Variants in EXT1 observed in about 807,000 individuals in gnomAD.
EXT1 encodes the protein exostosin glycosyltransferase 1.
Under a neutral mutation model 82.5 loss-of-function variants are expected in EXT1, and 20 were observed. The ratio of observed to expected loss-of-function variants is 0.24; its 90% CI spans 0.17 to 0.35. The LOEUF (loss-of-function observed/expected upper bound fraction) is 0.35. Among genes scored for constraint, EXT1 ranks in the 10% least tolerant of loss-of-function variants. The pLI is 1.00. For missense variants in EXT1, 757 were observed against 936.5 expected (o/e 0.81, Z 2.50); for synonymous variants, 348 against 350.8 (o/e 0.99, Z 0.09).
chr8:118,091,464 C>T (rs1273205119), intron 1 of EXT1, among the ~76,000 whole-genome samples: 3 of 152,012 alleles, frequency 2.0e-5, no homozygotes, highest in South Asian at 4.1e-4. Flanking sequence ...GTCGGCCGGG[C>T]GCGGTGGCTC....
chr8:117,983,526 A>C (rs1290584500), intron 1 of EXT1, among the ~76,000 whole-genome samples: 4 of 152,206 alleles, frequency 2.6e-5, no homozygotes, highest in Non-Finnish European at 4.4e-5. Context: ...AAATGGCAAC[A>C]TGGACGCTCA....
At chr8:118,002,925 G>T (rs918982077) in intron 1 of EXT1, among the ~76,000 whole-genome samples, 5 of 152,044 alleles carry the variant, frequency 3.3e-5, no homozygotes, top group African/African-American at 1.2e-4. Context: ...AAAGATATTT[G>T]CACACACATT....
intron 1 of EXT1, among the ~76,000 whole-genome samples, chr8:117,837,857 G>GAA (rs58707417): frequency 2.1e-5 from 3 of 139,668 alleles, no homozygotes; most frequent in Admixed American, 1.4e-4. Context: ...GAAAAGAAAA[G>GAA]AAAAAAAAAA....
At chr8:117,834,333 G>A (rs575890935) in intron 3 of EXT1, among the ~76,000 whole-genome samples, 10 of 152,120 alleles carry the variant, frequency 6.6e-5, no homozygotes, top group Non-Finnish European at 1.2e-4. Flanking sequence ...GGCCAGGCGC[G>A]GTGGCTCACA....
At chr8:117,826,662 G>T (rs1473202708) in intron 4 of EXT1, among the ~76,000 whole-genome samples, 2 of 151,942 alleles carry the variant, frequency 1.3e-5, no homozygotes, top group African/African-American at 4.8e-5. Flanking sequence ...TGGGAAACTG[G>T]GTAGTACCTG....
intron 1 of EXT1, among the ~76,000 whole-genome samples, chr8:117,911,080 A>G (rs1329981314): frequency 6.6e-6 from 1 of 152,146 alleles, no homozygotes; most frequent in Non-Finnish European, 1.5e-5. Context: ...GTGCTCTCCA[A>G]CCTTCAGCAT....
At chr8:117,881,884 C>G (rs1813065346) in intron 1 of EXT1, among the ~76,000 whole-genome samples, 1 of 152,212 alleles carries the variant, frequency 6.6e-6, no homozygotes, top group East Asian at 1.9e-4. Context: ...CTGCTGCACA[C>G]AGCAGAAATA....
At chr8:117,997,593 G>A (rs1362376597) in intron 1 of EXT1, among the ~76,000 whole-genome samples, 1 of 152,030 alleles carries the variant, frequency 6.6e-6, no homozygotes, top group Non-Finnish European at 1.5e-5. Context: ...AGTGGTTAAA[G>A]CCACTAACTC....
At chr8:118,109,944 G>C in intron 1 of EXT1, 141 bp downstream of exon 1, 1 of 1,353,184 alleles carries the variant, frequency 7.4e-7, no homozygotes. Flanking sequence ...CACCCGAACC[G>C]GATTTGCTCA....
In EXT1 at chr8:118,110,871, G is replaced by A. The variant is rs2130045127; in HGVS notation, c.176C>T (p.Pro59Leu). 1.9e-6 allele frequency: 3 copies of A among 1,613,112 alleles called. No homozygotes were observed. Among genetic ancestry groups the A allele is most frequent in the Non-Finnish European group, 2.5e-6 (3 of 1,179,190 alleles). ...AGGAACGAAGGGGCGCAGAGCGTCC[G>A]GGAAGCGGGGCCAGAAATGATCCGG... ...PSPDHFWPRF[P>L]DALRPFVPWD... Residue 59 changes from proline to leucine, a missense_variant, in exon 1 of 11, where the codon CCG becomes CTG. This residue lies in a region of EXT1 where 175 missense variants were observed against 159.0 expected (regional missense o/e 1.10). Transcript: ENST00000378204.
At chr8:118,085,434 G>A (rs1475410838) in intron 1 of EXT1, among the ~76,000 whole-genome samples, 1 of 151,006 alleles carries the variant, frequency 6.6e-6, no homozygotes, top group East Asian at 1.9e-4. Context: ...TAGATTTATG[G>A]TACCTAAAGG....
chr8:117,838,865 A>G (rs1470442091), intron 1 of EXT1, among the ~76,000 whole-genome samples: 3 of 152,156 alleles, frequency 2.0e-5, no homozygotes, highest in Non-Finnish European at 4.4e-5. Context: ...TTCAGACTAC[A>G]GCAAGGTTTA....
chr8:118,095,004 T>C (rs894803260), intron 1 of EXT1, among the ~76,000 whole-genome samples: 1 of 152,152 alleles, frequency 6.6e-6, no homozygotes, highest in South Asian at 2.1e-4. Flanking sequence ...TGAGCAAACA[T>C]ACAACACACA....
intron 4 of EXT1, among the ~76,000 whole-genome samples, chr8:117,823,367 G>C (rs1453059108): frequency 6.6e-6 from 1 of 152,000 alleles, no homozygotes; most frequent in Admixed American, 6.6e-5. Context: ...TTTGTCAGTT[G>C]AATGTGATTA....
intron 1 of EXT1, among the ~76,000 whole-genome samples, chr8:117,844,474 G>A (rs1812321888): frequency 6.6e-6 from 1 of 152,100 alleles, no homozygotes; most frequent in African/African-American, 2.4e-5. Context: ...TTATTTTTGA[G>A]AAAACTGAAG....
At chr8:117,846,666 G>A (rs1231576144) in intron 1 of EXT1, among the ~76,000 whole-genome samples, 1 of 152,162 alleles carries the variant, frequency 6.6e-6, no homozygotes, top group East Asian at 1.9e-4. Context: ...CAATGGTGAT[G>A]GGGAAGCCTG....
rs202208407 is a variant in EXT1 at position 117,822,418 on chromosome 8, C to T, written c.1417+47G>A. 497 of 1,606,072 alleles carry T rather than the reference C, an allele frequency of 3.1e-4. 3 individuals are homozygous for T. The African/African-American group carries it at 5.4e-3, about 18-fold the overall frequency. On this transcript the variant is annotated intron_variant, in intron 5 of 10. Transcript: ENST00000378204. ...AATAAAGGCCTTTAGTTCTGTATGA[C>T]ATCTTCAGGGTAAACAAGGGCAACT...
Position 117,885,463 on chromosome 8 carries a change from T to G in EXT1, c.963-48262A>C, listed in dbSNP as rs567768086. ...AGGAGAAGGAAACCCTAAAATAGATTTTTTTTTCCCTGAAAATGGAAAGTA... is the reference window on the plus strand; with the variant it reads ...AGGAGAAGGAAACCCTAAAATAGATGTTTTTTTCCCTGAAAATGGAAAGTA... On this transcript the variant is annotated intron_variant, in intron 1 of 10. Transcript: ENST00000378204. Among the ~76,000 whole-genome samples, 4 of 148,340 alleles carry G rather than the reference T, an allele frequency of 2.7e-5. No homozygotes were observed. In the Admixed American group the frequency reaches 2.7e-4, roughly 10 times the overall value.
At chr8:118,043,466 T>C (rs888939622) in intron 1 of EXT1, among the ~76,000 whole-genome samples, 1 of 152,214 alleles carries the variant, frequency 6.6e-6, no homozygotes, top group African/African-American at 2.4e-5. Flanking sequence ...CACAGACTAA[T>C]GCCATCACAT....
Sources: gnomAD v4.1 joint callset for allele counts (sites outside exome capture counted in the v4.1 genomes callset) on GRCh38, gnomAD v4.1.1 for gene constraint, gnomAD v4.1.1 regional missense constraint, MANE v1.5 for transcripts, NCBI Gene and HGNC (gene_info 2026-07-23, HGNC 2026-07-21) for gene names.